SMG6: variants seen among roughly 807,000 people sequenced by gnomAD.
SMG6 encodes the protein telomerase-binding protein EST1A.
A neutral mutation model predicts 142.2 loss-of-function variants in SMG6; 66 were observed. The observed-to-expected ratio is 0.46, with a 90% confidence interval of 0.38 to 0.57. The LOEUF (loss-of-function observed/expected upper bound fraction) is 0.57. Ranked by LOEUF, SMG6 falls within the 20% of genes least tolerant of loss-of-function variation. SMG6 has a pLI of 0.00. For synonymous variants in SMG6, 779 were observed against 702.4 expected (o/e 1.11, Z -1.72); for missense variants, 1,793 against 1,832.0 (o/e 0.98, Z 0.39).
At chr17:2,163,726 G>A (rs1209713929) in intron 13 of SMG6, among the ~76,000 whole-genome samples, 1 of 150,860 alleles carries the variant, frequency 6.6e-6, no homozygotes, top group East Asian at 1.9e-4. Flanking sequence ...TACTGACTAG[G>A]ACCAACACAG....
intron 8 of SMG6, among the ~76,000 whole-genome samples, chr17:2,281,633 G>C (rs1303028787): frequency 6.6e-6 from 1 of 152,112 alleles, no homozygotes; most frequent in African/African-American, 2.4e-5. Flanking sequence ...ATTTTACAAA[G>C]CGGCCAGGGT....
intron 13 of SMG6, 140 bp from the exon 14 acceptor site, chr17:2,086,041 C>T (rs1012493161): frequency 5.1e-5 from 43 of 845,826 alleles, no homozygotes; most frequent in East Asian, 2.2e-4. Flanking sequence ...TGACGGGGTG[C>T]GGAGGGCACA....
At chr17:2,065,790 C>G in intron 16 of SMG6, 111 bp from the exon 17 acceptor site, 1 of 895,366 alleles carries the variant, frequency 1.1e-6, no homozygotes, top group Non-Finnish European at 1.7e-6. Flanking sequence ...ATCCATCCTT[C>G]CCCCACAGGA....
chr17:2,134,318 C>T (rs1474677514), intron 13 of SMG6, among the ~76,000 whole-genome samples: 1 of 144,590 alleles, frequency 6.9e-6, no homozygotes, highest in Non-Finnish European at 1.5e-5. Flanking sequence ...TTTGGGAGGC[C>T]GAGGCAGGCG....
chr17:2,270,687 CACTA>C (rs377196235), intron 8 of SMG6, among the ~76,000 whole-genome samples: 286 of 152,274 alleles, frequency 1.9e-3, no homozygotes, highest in African/African-American at 6.7e-3. Flanking sequence ...CCTCTATTCC[CACTA>C]ACTTAGAAAC....
intron 13 of SMG6, among the ~76,000 whole-genome samples, chr17:2,167,184 G>GAA (rs148686802): frequency 3.5e-5 from 5 of 141,652 alleles, no homozygotes; most frequent in Admixed American, 7.1e-5. Flanking sequence ...TAAAAGGCAG[G>GAA]CAAAAAAAAT....
At chr17:2,134,295 G>A (rs1376045184) in intron 13 of SMG6, among the ~76,000 whole-genome samples, 1 of 151,758 alleles carries the variant, frequency 6.6e-6, no homozygotes, top group Non-Finnish European at 1.5e-5. Flanking sequence ...GTGCACGCCT[G>A]TAATCCCAGC....
At chr17:2,175,654 C>T (rs1486422825) in intron 12 of SMG6, among the ~76,000 whole-genome samples, 3 of 152,050 alleles carry the variant, frequency 2.0e-5, no homozygotes, top group Non-Finnish European at 2.9e-5. Context: ...ATAAGGTGGA[C>T]GAGAATCCCT....
intron 16 of SMG6, among the ~76,000 whole-genome samples, chr17:2,067,493 C>T (rs1283778366): frequency 1.3e-5 from 2 of 152,182 alleles, no homozygotes; most frequent in Non-Finnish European, 2.9e-5. Context: ...AGCAGAGAGA[C>T]ATATGACCCG....
At chr17:2,222,017 C>T (rs1039108639) in intron 10 of SMG6, among the ~76,000 whole-genome samples, 1 of 152,170 alleles carries the variant, frequency 6.6e-6, no homozygotes, top group African/African-American at 2.4e-5. Flanking sequence ...TTACAGACGT[C>T]GGCCACGGCA....
chr17:2,301,104 C>T (rs367791881), intron 1 of SMG6, among the ~76,000 whole-genome samples: 1 of 152,082 alleles, frequency 6.6e-6, no homozygotes, highest in Admixed American at 6.6e-5. Context: ...TCCTGGGTGG[C>T]TAAGTTCTTT....
intron 13 of SMG6, among the ~76,000 whole-genome samples, chr17:2,150,609 C>T (rs993666404): frequency 2.0e-5 from 3 of 152,112 alleles, no homozygotes; most frequent in Admixed American, 6.6e-5. Flanking sequence ...TCCTGGCCCT[C>T]GATGCTATGG....
chr17:2,162,676 CAAAT>C (rs1413241486), intron 13 of SMG6, among the ~76,000 whole-genome samples: 3 of 151,904 alleles, frequency 2.0e-5, no homozygotes, highest in South Asian at 2.1e-4. Context: ...AATAAATAAA[CAAAT>C]AACCAAAAAA....
intron 11 of SMG6, among the ~76,000 whole-genome samples, chr17:2,187,537 G>A (rs761859362): frequency 7.9e-5 from 12 of 152,080 alleles, no homozygotes; most frequent in Non-Finnish European, 1.2e-4. Flanking sequence ...TAAAGGGCCC[G>A]CAACTCTGTA....
At chr17:2,295,143 G>T (rs927772167) in intron 4 of SMG6, among the ~76,000 whole-genome samples, 3 of 152,134 alleles carry the variant, frequency 2.0e-5, no homozygotes, top group Admixed American at 6.5e-5. Flanking sequence ...CTCCCAAAGG[G>T]CTGGGATTAA....
At chr17:2,064,966 A>T in intron 18 of SMG6, 107 bp downstream of exon 18, 1 of 874,064 alleles carries the variant, frequency 1.1e-6, no homozygotes, top group Non-Finnish European at 1.9e-6. Context: ...CTGATTCCTT[A>T]GACTTCCCAG....
chr17:2,276,748 C>T (rs1241110263), intron 8 of SMG6, among the ~76,000 whole-genome samples: 2 of 152,080 alleles, frequency 1.3e-5, no homozygotes, highest in Admixed American at 6.6e-5. Context: ...CAAGCCGTAA[C>T]CCTTCCCAAG....
intron 10 of SMG6, among the ~76,000 whole-genome samples, chr17:2,201,503 G>C (rs535789133): frequency 3.3e-5 from 5 of 152,140 alleles, no homozygotes; most frequent in Non-Finnish European, 7.4e-5. Flanking sequence ...AGACTGGCCT[G>C]ATCAACATGG....
chr17:2,250,854 T>C (rs181327276), intron 8 of SMG6, among the ~76,000 whole-genome samples: 3 of 152,156 alleles, frequency 2.0e-5, no homozygotes, highest in Admixed American at 6.5e-5. Flanking sequence ...TCTCAAGCAA[T>C]GAGATCACAA....
Sources: allele counts gnomAD v4.1 joint callset (sites outside exome capture counted in the v4.1 genomes callset), GRCh38; gene constraint gnomAD v4.1.1; transcripts MANE v1.5; gene names NCBI Gene and HGNC (gene_info 2026-07-23, HGNC 2026-07-21).